The following DPP10 variants were observed in gnomAD, a reference collection of about 807,000 sequenced individuals.
DPP10 encodes the protein inactive dipeptidyl peptidase 10.
DPP10 carries 33 observed loss-of-function variants against 120.9 expected under a neutral mutation model. The ratio of observed to expected loss-of-function variants is 0.27; its 90% CI spans 0.21 to 0.37. The LOEUF (loss-of-function observed/expected upper bound fraction) is 0.37. Ranked by LOEUF, DPP10 falls within the 10% of genes least tolerant of loss-of-function variation. DPP10 has a pLI of 1.00. For missense variants in DPP10, 816 were observed against 942.8 expected, an observed-to-expected ratio of 0.87 and a Z score of 1.76; for synonymous variants, 337 against 326.1, an observed-to-expected ratio of 1.03 and a Z score of -0.36.
At position 115,402,917 on chromosome 2, in the gene DPP10, G is replaced by A. The variant is rs2068203105; in HGVS notation, c.271+59005G>A. Among the ~76,000 whole-genome samples, 5 of 134,422 alleles carry A rather than the reference G, an allele frequency of 3.7e-5. No homozygotes were observed. In the South Asian group the frequency reaches 1.1e-3, roughly 30 times the overall value. 88.2% of individuals were successfully genotyped at this position (134,422 alleles called of 152,430 possible). A position where few individuals can be genotyped will look rare whatever the true frequency, so the allele number is the denominator to read the frequency against. The stretch of plus-strand genomic sequence containing the variant: ...TATATATATATGTATATATATGTGT[G>A]TATATATATATGTATATATATATGT... On this transcript the variant is annotated intron_variant, in intron 3 of 25. Transcript: ENST00000410059.
intron 1 of DPP10, among the ~76,000 whole-genome samples, chr2:114,443,790 C>T (rs1459428899): frequency 6.6e-6 from 1 of 151,254 alleles, no homozygotes; most frequent in Non-Finnish European, 1.5e-5. Flanking sequence ...AAGTGCATAC[C>T]TTTTGCTACT....
At chr2:115,840,915 T>C (rs913654609) in intron 25 of DPP10, 92 bp downstream of exon 25, 24 of 1,009,270 alleles carry the variant, frequency 2.4e-5, no homozygotes, top group Non-Finnish European at 5.8e-6. Flanking sequence ...CCATTCTCCC[T>C]ACTATTATTT....
intron 1 of DPP10, among the ~76,000 whole-genome samples, chr2:114,848,831 G>A (rs1406505959): frequency 6.6e-6 from 1 of 152,148 alleles, no homozygotes; most frequent in African/African-American, 2.4e-5. Flanking sequence ...TAACAAAATA[G>A]CTTACACTGG....
intron 1 of DPP10, among the ~76,000 whole-genome samples, chr2:115,213,820 A>T (rs1284059196): frequency 6.6e-6 from 1 of 152,154 alleles, no homozygotes; most frequent in South Asian, 2.1e-4. Flanking sequence ...TTAGGCCTAT[A>T]GTACTTAGAC....
chr2:115,551,192 T>C (rs560421024), intron 5 of DPP10, among the ~76,000 whole-genome samples: 45 of 152,274 alleles, frequency 3.0e-4, no homozygotes, highest in African/African-American at 9.6e-4. Context: ...CCTGTCAAGC[T>C]TTTGTAGACA....
chr2:114,477,321 A>G (rs552306024), intron 1 of DPP10, among the ~76,000 whole-genome samples: 161 of 152,214 alleles, frequency 1.1e-3, no homozygotes, highest in Non-Finnish European at 1.2e-3. Flanking sequence ...TGTGAGATCC[A>G]TACGTACTTT....
chr2:115,053,160 A>G (rs1323425151), intron 1 of DPP10, among the ~76,000 whole-genome samples: 1 of 152,174 alleles, frequency 6.6e-6, no homozygotes, highest in Admixed American at 6.5e-5. Flanking sequence ...TGTTCATAAG[A>G]AAACTCATGT....
intron 1 of DPP10, among the ~76,000 whole-genome samples, chr2:115,176,336 A>G (rs1048866543): frequency 6.8e-6 from 1 of 147,978 alleles, no homozygotes; most frequent in Non-Finnish European, 1.5e-5. Context: ...TTTTATATTT[A>G]TAATATTTAT....
At chr2:114,605,544 T>C (rs1187531871) in intron 1 of DPP10, among the ~76,000 whole-genome samples, 1 of 152,168 alleles carries the variant, frequency 6.6e-6, no homozygotes, top group Non-Finnish European at 1.5e-5. Context: ...TATATGTCAA[T>C]AGACTGTTTA....
intron 12 of DPP10, among the ~76,000 whole-genome samples, chr2:115,765,201 A>G (rs1214094892): frequency 6.6e-6 from 1 of 152,100 alleles, no homozygotes; most frequent in Non-Finnish European, 1.5e-5. Context: ...TTTCTGAACT[A>G]CTTCTAAGGT....
chr2:115,843,241 A>AATTTT lies in DPP10; in HGVS notation c.*897_*901dup, dbSNP rs1217766970. On this transcript the variant is annotated 3_prime_UTR_variant, in exon 26 of 26. Coordinates refer to ENST00000410059, the MANE Select transcript of DPP10 (RefSeq NM_020868.6). ...GGTTAATAGTTTTCCAGTTGCATTT[A>AATTTT]ATTTTTTGAATATGATACCTTGTCA... 4 of 152,704 alleles carry AATTTT rather than the reference A, an allele frequency of 2.6e-5. No individual in the cohort carries two copies. The highest frequency in any genetic ancestry group is 9.6e-5 in the African/African-American group (4 of 41,556). 9.5% of individuals were successfully genotyped at this position (152,704 alleles called of 1,614,324 possible).
chr2:114,612,568 C>CT (rs112073568), intron 1 of DPP10, among the ~76,000 whole-genome samples: 23,620 of 152,078 alleles, frequency 0.16, 3,089 homozygotes, highest in African/African-American at 0.36. Flanking sequence ...CTGGAGTTCA[C>CT]TAGAGGTAAG....
intron 1 of DPP10, among the ~76,000 whole-genome samples, chr2:114,550,564 C>T (rs1334539976): frequency 6.6e-6 from 1 of 152,152 alleles, no homozygotes; most frequent in African/African-American, 2.4e-5. Context: ...TGAATCAGAC[C>T]CTTCCTCACC....
intron 5 of DPP10, among the ~76,000 whole-genome samples, chr2:115,622,086 A>G (rs1370192015): frequency 6.6e-6 from 1 of 152,270 alleles, no homozygotes; most frequent in East Asian, 1.9e-4. Flanking sequence ...AGAGTTGTGC[A>G]TCATCGTCCT....
intron 19 of DPP10, among the ~76,000 whole-genome samples, chr2:115,794,168 A>G (rs1022807458): frequency 2.0e-5 from 3 of 152,182 alleles, no homozygotes; most frequent in African/African-American, 7.2e-5. Flanking sequence ...TCATTCAGTG[A>G]TTTTGGTGTC....
chr2:115,432,663 G>T (rs576378631), intron 3 of DPP10, among the ~76,000 whole-genome samples: 133 of 76,642 alleles, frequency 1.7e-3, no homozygotes, highest in South Asian at 4.9e-3. Context: ...GCAATTTTGT[G>T]TGTGTGTGTG....
chr2:115,659,193 G>T (rs1004925606), intron 5 of DPP10, among the ~76,000 whole-genome samples: 1 of 152,122 alleles, frequency 6.6e-6, no homozygotes, highest in Admixed American at 6.5e-5. Flanking sequence ...TGCATCAGAT[G>T]CTGGCACCAT....
At chr2:114,965,660 G>T (rs1698956826) in intron 1 of DPP10, among the ~76,000 whole-genome samples, 1 of 151,956 alleles carries the variant, frequency 6.6e-6, no homozygotes, top group South Asian at 2.1e-4. Flanking sequence ...TACCTGAGAG[G>T]CATACCTATG....
intron 2 of DPP10, among the ~76,000 whole-genome samples, chr2:115,333,274 T>C (rs1242892238): frequency 6.6e-6 from 1 of 152,172 alleles, no homozygotes; most frequent in East Asian, 1.9e-4. Flanking sequence ...TCCATTTGCT[T>C]GGTAGATCTT....
Sources: allele counts gnomAD v4.1 joint callset (sites outside exome capture counted in the v4.1 genomes callset), GRCh38; gene constraint gnomAD v4.1.1; transcripts MANE v1.5; gene names NCBI Gene and HGNC (gene_info 2026-07-23, HGNC 2026-07-21).